Variants in MYCBP2 observed in about 807,000 individuals in gnomAD.
MYCBP2 encodes the protein MYC binding protein 2.
MYCBP2 carries 120 observed loss-of-function variants against 525.3 expected under a neutral mutation model. The observed-to-expected ratio is 0.23, with a 90% CI of 0.20 to 0.27. The LOEUF is 0.27. Ranked by LOEUF, MYCBP2 falls within the 10% of genes least tolerant of loss-of-function variation. The probability of loss-of-function intolerance (pLI) is 1.00; values close to 1 mark genes in which losing one functional copy is unlikely to be tolerated. For missense variants in MYCBP2, 4,149 were observed against 5,657.1 expected, an observed-to-expected ratio of 0.73 and a Z score of 8.55; for synonymous variants, 1,894 against 1,955.8, an observed-to-expected ratio of 0.97 and a Z score of 0.83.
At chr13:77,211,043 C>T (rs139859896) in intron 23 of MYCBP2, 124 bp downstream of exon 23, 8,677 of 637,306 alleles carry the variant, frequency 0.014, 72 homozygotes, top group Non-Finnish European at 0.017. Context: ...GACAGAATTG[C>T]AGTTATTAGA....
chr13:77,204,891 A>C (rs904882434), intron 26 of MYCBP2, among the ~76,000 whole-genome samples: 7 of 110,602 alleles, frequency 6.3e-5, no homozygotes, highest in Non-Finnish European at 3.4e-5. Flanking sequence ...CACTCTGGAG[A>C]CTGTTGTGGG....
intron 20 of MYCBP2, among the ~76,000 whole-genome samples, chr13:77,222,004 T>C (rs1351406334): frequency 6.6e-6 from 1 of 152,208 alleles, no homozygotes; most frequent in Non-Finnish European, 1.5e-5. Flanking sequence ...CTCTGTTGTT[T>C]AGGAAATAAT....
chr13:77,082,638 T>C (rs957435317), intron 63 of MYCBP2, among the ~76,000 whole-genome samples: 2 of 152,178 alleles, frequency 1.3e-5, no homozygotes, highest in Non-Finnish European at 2.9e-5. Context: ...CTTTTAGGAC[T>C]GGGTGCATAC....
At chr13:77,073,179 G>A (rs924510334) in intron 68 of MYCBP2, among the ~76,000 whole-genome samples, 2 of 151,724 alleles carry the variant, frequency 1.3e-5, no homozygotes, top group Non-Finnish European at 2.9e-5. Context: ...GAAGGAAAAT[G>A]AACTGTATAC....
At position 77,326,213 on chromosome 13, in the gene MYCBP2, C is replaced by A. The variant is rs1279929622; in HGVS notation, c.302+261G>T. Among the ~76,000 whole-genome samples, 1 of 151,272 alleles carries A rather than the reference C, an allele frequency of 6.6e-6. No homozygotes were observed. The highest frequency in any genetic ancestry group is 1.9e-4 in the East Asian group (1 of 5,158). ...AGCATCACAGGTTCCCCTACCACCCCTCACTATCCCCCCACATAGGCAGGC... is the reference window on the plus strand; with the variant it reads ...AGCATCACAGGTTCCCCTACCACCCATCACTATCCCCCCACATAGGCAGGC... On this transcript the variant is annotated intron_variant, in intron 1 of 82. Coordinates refer to ENST00000544440, the MANE Select transcript of MYCBP2 (RefSeq NM_015057.5). This position sits in a 1 kb window ranked among gnomAD's most constrained non-coding sequence, Gnocchi z 4.2.
intron 2 of MYCBP2, among the ~76,000 whole-genome samples, chr13:77,291,550 C>T (rs1196170882): frequency 6.6e-6 from 1 of 152,180 alleles, no homozygotes; most frequent in Non-Finnish European, 1.5e-5. Context: ...GCGGGCAGAT[C>T]ACCTGAGGTC....
chr13:77,199,240 G>A (rs2062142131), intron 26 of MYCBP2, among the ~76,000 whole-genome samples: 2 of 152,232 alleles, frequency 1.3e-5, no homozygotes, highest in Admixed American at 1.3e-4. Flanking sequence ...AAGCGCAAGG[G>A]GTCAGGGAGT....
Position 77,065,977 on chromosome 13 carries a change from A to C in MYCBP2, c.12552+15T>G, listed in dbSNP as rs749130429. On this transcript the variant is annotated intron_variant, in intron 72 of 82. Coordinates refer to ENST00000544440, the MANE Select transcript of MYCBP2 (RefSeq NM_015057.5). ...TGCCGCACTTCACTGCCAAAACAGA[A>C]GAATGGGAACTTACTGCTGCCATAT... 6.3e-7 allele frequency: 1 copy of C among 1,598,464 alleles called. No individual in the cohort carries two copies. Among genetic ancestry groups the C allele is most frequent in the Non-Finnish European group, 8.5e-7 (1 of 1,170,082 alleles).
intron 1 of MYCBP2, among the ~76,000 whole-genome samples, chr13:77,314,269 T>C (rs986001680): frequency 1.3e-5 from 2 of 152,216 alleles, no homozygotes; most frequent in Non-Finnish European, 2.9e-5. Context: ...ATTTGTCAAT[T>C]TCTAAAAAAG....
Position 77,140,899 on chromosome 13 carries a change from T to A in MYCBP2, c.7348A>T (p.Ile2450Leu). ...TTGACCAACTGAGTTCCTGGTGGTA[T>A]CATCCCTTTTGGTGGGTCTTTTACT... ...VKVKDPPKGM[I>L]PPGTQLVKPK... The change falls in exon 50 of 83, where the codon ATA becomes TTA. Residue 2450 changes from isoleucine to leucine, a missense_variant. Ile to Leu is a conservative substitution (Grantham distance 5, BLOSUM62 2). Transcript: ENST00000544440. The A allele has an allele frequency of 6.2e-7, 1 of 1,613,170 alleles. No individual in the cohort carries two copies. Among genetic ancestry groups the A allele is most frequent in the Non-Finnish European group, 8.5e-7 (1 of 1,179,776 alleles).
At position 77,165,257 on chromosome 13, in the gene MYCBP2, G is replaced by C. The variant is rs746784038; in HGVS notation, c.6459+16C>G. 6.5e-7 allele frequency: 1 copy of C among 1,527,808 alleles called. No individual in the cohort carries two copies. The highest frequency in any genetic ancestry group is 2.3e-5 in the East Asian group (1 of 44,352). The allele number at this position is 1,527,808 out of a possible 1,614,324, so 94.6% of individuals were successfully genotyped here. On this transcript the variant is annotated intron_variant, in intron 42 of 82. Coordinates refer to ENST00000544440, the MANE Select transcript of MYCBP2 (RefSeq NM_015057.5). ...ACAATCTTCCTTAAAAGAATGAAAA[G>C]ATAATTCATTCTTACCTCATCAGGT...
rs182711943 is a variant in MYCBP2 at position 77,253,666 on chromosome 13, A to G, written c.2177-2311T>C. 2.0e-5 allele frequency among the ~76,000 whole-genome samples: 3 copies of G among 152,098 alleles called. No individual in the cohort carries two copies. In the East Asian group the frequency reaches 5.8e-4, roughly 29 times the overall value. Reference sequence around the variant, plus strand: ...TCTGGGTGCTGATTACATGAATACAATCAATTTGAGAAAATTCATCAAGAT... The same window carrying G: ...TCTGGGTGCTGATTACATGAATACAGTCAATTTGAGAAAATTCATCAAGAT... On this transcript the variant is annotated intron_variant, in intron 14 of 82. Coordinates refer to ENST00000544440, the MANE Select transcript of MYCBP2 (RefSeq NM_015057.5).
chr13:77,083,237 G>A (rs758140120), intron 62 of MYCBP2, 45 bp from the exon 63 acceptor site: 3 of 1,557,656 alleles, frequency 1.9e-6, no homozygotes, highest in East Asian at 2.3e-5. Context: ...TGTGCTGGAA[G>A]GAATCCTCTT....
intron 55 of MYCBP2, chr13:77,118,618 G>T (rs538271206): frequency 1.8e-6 from 1 of 555,188 alleles, no homozygotes; most frequent in East Asian, 3.0e-5. Context: ...TGCCAATTCA[G>T]AAATGAGTGA....
chr13:77,288,429 C>A, intron 2 of MYCBP2, 53 bp from the exon 3 acceptor site: 1 of 1,439,436 alleles, frequency 6.9e-7, no homozygotes, highest in Non-Finnish European at 9.6e-7. Flanking sequence ...ATCATCAAGT[C>A]CCATTTTACA....
chr13:77,273,036 G>T (rs1442769993), intron 5 of MYCBP2, among the ~76,000 whole-genome samples: 4 of 151,988 alleles, frequency 2.6e-5, no homozygotes, highest in Non-Finnish European at 5.9e-5. Flanking sequence ...ACTCAGAAAC[G>T]AATCAATTCA....
chr13:77,241,953 T>G (rs1302225591), intron 17 of MYCBP2, among the ~76,000 whole-genome samples: 1 of 152,188 alleles, frequency 6.6e-6, no homozygotes, highest in Admixed American at 6.5e-5. Flanking sequence ...CAGTAAACAT[T>G]TCTAATCAAA....
intron 55 of MYCBP2, among the ~76,000 whole-genome samples, chr13:77,106,854 A>G (rs570447639): frequency 6.6e-6 from 1 of 152,096 alleles, no homozygotes; most frequent in South Asian, 2.1e-4. Flanking sequence ...CACCCAGGTA[A>G]TCAAGCATTA....
intron 3 of MYCBP2, among the ~76,000 whole-genome samples, chr13:77,282,147 A>C (rs982877309): frequency 1.3e-5 from 2 of 152,196 alleles, no homozygotes; most frequent in Non-Finnish European, 2.9e-5. Flanking sequence ...GTGGTAGCTC[A>C]CACCTATAAT....
Sources: allele counts gnomAD v4.1 joint callset (sites outside exome capture counted in the v4.1 genomes callset), GRCh38; gene constraint gnomAD v4.1.1; non-coding constraint Gnocchi (gnomAD v3.1); transcripts MANE v1.5; gene names NCBI Gene and HGNC (gene_info 2026-07-23, HGNC 2026-07-21).